The following RANBP2 variants were observed in gnomAD, a reference collection of about 807,000 sequenced individuals.
The protein encoded by RANBP2 is E3 SUMO-protein ligase RanBP2.
In RANBP2, 57 loss-of-function variants were observed where a neutral mutation model predicts 303.6. That is an observed-to-expected ratio of 0.19 (90% CI 0.15 to 0.23). RANBP2 has a LOEUF of 0.23. RANBP2 is among the 10% of genes least tolerant of loss of function. The pLI is 1.00. For missense variants in RANBP2, 3,138 were observed against 3,780.8 expected (o/e 0.83, Z 4.46); for synonymous variants, 1,167 against 1,301.5 (o/e 0.90, Z 2.23).
At chr2:109,385,847 G>A in the RANBP2 span, among the ~76,000 whole-genome samples, 68 of 152,312 alleles carry the variant, frequency 4.5e-4, 1 homozygote, top group East Asian at 4.8e-3. Context: ...AAATTTACAC[G>A]TCCATAAAGC....
chr2:109,396,747 C>G, the RANBP2 span, among the ~76,000 whole-genome samples: 1 of 152,160 alleles, frequency 6.6e-6, no homozygotes, highest in East Asian at 1.9e-4. Flanking sequence ...CTGCGGGCCT[C>G]ACATGCAAGG....
At chr2:109,216,111 G>A in the RANBP2 span, among the ~76,000 whole-genome samples, 10 of 152,292 alleles carry the variant, frequency 6.6e-5, no homozygotes, top group East Asian at 7.7e-4. Flanking sequence ...GGAGGAACCC[G>A]GGGGACATCG....
the RANBP2 span, among the ~76,000 whole-genome samples, chr2:109,243,875 G>A: frequency 6.6e-6 from 1 of 152,172 alleles, no homozygotes; most frequent in African/African-American, 2.4e-5. Context: ...GATCTTGAGT[G>A]AGTAAATAGA....
At chr2:109,445,682 T>C in the RANBP2 span, among the ~76,000 whole-genome samples, 3 of 151,496 alleles carry the variant, frequency 2.0e-5, no homozygotes, top group Non-Finnish European at 4.4e-5. Context: ...GTATCAAGGA[T>C]GTGGGTGAAG....
chr2:109,403,007 G>T, the RANBP2 span, among the ~76,000 whole-genome samples: 1 of 152,304 alleles, frequency 6.6e-6, no homozygotes, highest in Non-Finnish European at 1.5e-5. Flanking sequence ...AGGGTGGGTG[G>T]GGGGATGTGG....
the RANBP2 span, among the ~76,000 whole-genome samples, chr2:109,266,325 G>A: frequency 6.6e-6 from 1 of 151,998 alleles, no homozygotes; most frequent in Non-Finnish European, 1.5e-5. Context: ...TGTATGGTGT[G>A]TGTGTTGTGT....
At chr2:109,664,108 A>G in the RANBP2 span, among the ~76,000 whole-genome samples, 1 of 152,170 alleles carries the variant, frequency 6.6e-6, no homozygotes, top group Non-Finnish European at 1.5e-5. Flanking sequence ...AGCCCTAATT[A>G]CATTTACTCC....
the RANBP2 span, among the ~76,000 whole-genome samples, chr2:108,945,939 T>G: frequency 6.6e-6 from 1 of 152,342 alleles, no homozygotes; most frequent in Middle Eastern, 3.4e-3. Context: ...TTCTATCCTA[T>G]GCTTCCATTT....
the RANBP2 span, among the ~76,000 whole-genome samples, chr2:108,922,494 CA>C: frequency 6.6e-6 from 1 of 152,196 alleles, no homozygotes; most frequent in African/African-American, 2.4e-5. Context: ...CTGGCTTGAC[CA>C]AAAGGAGAGA....
chr2:108,949,925 C>G, the RANBP2 span, among the ~76,000 whole-genome samples: 1 of 152,204 alleles, frequency 6.6e-6, no homozygotes, highest in East Asian at 1.9e-4. Flanking sequence ...AGGCCAATGC[C>G]CTCATTTCCT....
chr2:108,745,613 G>A (rs183948520), intron 7 of RANBP2, among the ~76,000 whole-genome samples: 269 of 150,530 alleles, frequency 1.8e-3, no homozygotes, highest in African/African-American at 6.4e-3. Flanking sequence ...TTTTTTCATA[G>A]GTTATTGCAT....
At chr2:109,678,821 G>T in the RANBP2 span, among the ~76,000 whole-genome samples, 4 of 152,176 alleles carry the variant, frequency 2.6e-5, no homozygotes, top group African/African-American at 9.7e-5. Context: ...GTCTCTGTGG[G>T]TACAGAGAAG....
At chr2:109,466,072 CTTTTTTTTT>C in the RANBP2 span, among the ~76,000 whole-genome samples, 13 of 82,384 alleles carry the variant, frequency 1.6e-4, no homozygotes, top group African/African-American at 2.6e-4. Flanking sequence ...ACCTGTACAT[CTTTTTTTTT>C]TTTTTTTTTT....
the RANBP2 span, chr2:109,432,754 C>T: frequency 1.3e-6 from 2 of 1,490,830 alleles, no homozygotes; most frequent in South Asian, 1.4e-5. Context: ...CTGGAGGCTA[C>T]TCTGTCAGCC....
chr2:109,300,187 G>C, the RANBP2 span, among the ~76,000 whole-genome samples: 1 of 152,026 alleles, frequency 6.6e-6, no homozygotes. Context: ...GCTCTCGAGA[G>C]GGCATCCTGA....
At chr2:109,317,904 AG>A in the RANBP2 span, among the ~76,000 whole-genome samples, 36,573 of 151,964 alleles carry the variant, frequency 0.24, 5,433 homozygotes, top group East Asian at 0.65. Context: ...TGTGGCCAGC[AG>A]CAGCTCGCTG....
chr2:109,694,936 G>T, the RANBP2 span, among the ~76,000 whole-genome samples: 1 of 151,360 alleles, frequency 6.6e-6, no homozygotes, highest in African/African-American at 2.4e-5. Flanking sequence ...AGAAATATTA[G>T]CTCTTTTGTT....
rs1161237836 is a variant in RANBP2 at position 108,755,073 on chromosome 2, A to C, written c.2371A>C (p.Lys791Gln). The C allele has an allele frequency of 1.2e-6, 2 of 1,611,982 alleles. No individual in the cohort carries two copies. Among genetic ancestry groups the C allele is most frequent in the East Asian group, 4.5e-5 (2 of 44,846 alleles). ...SPTRYSLSPS[K>Q]SYKYSPKTPP... ...TACCAGATATTCACTATCACCAAGT[A>C]AAAGTTACAAGGTAAACAGGAAAGA... The change falls in exon 16 of 29, where the codon AAA becomes CAA. Residue 791 changes from lysine to glutamine, a missense_variant. Coordinates refer to ENST00000283195, the MANE Select transcript of RANBP2 (RefSeq NM_006267.5).
the RANBP2 span, among the ~76,000 whole-genome samples, chr2:108,810,781 A>G: frequency 6.6e-6 from 1 of 152,240 alleles, no homozygotes; most frequent in Admixed American, 6.5e-5. Flanking sequence ...GAGTGAATTT[A>G]AAAGTACAGT....
Sources: allele counts gnomAD v4.1 joint callset (sites outside exome capture counted in the v4.1 genomes callset), GRCh38; gene constraint gnomAD v4.1.1; transcripts MANE v1.5; gene names NCBI Gene and HGNC (gene_info 2026-07-23, HGNC 2026-07-21).